Variants in DIP2B observed in about 807,000 individuals in gnomAD.
DIP2B encodes DIP2 acetate--CoA ligase B (putative).
A neutral mutation model predicts 198.0 loss-of-function variants in DIP2B; 76 were observed. That is an observed-to-expected ratio of 0.38 (90% CI 0.32 to 0.46). DIP2B has a LOEUF of 0.46. Among genes scored for constraint, DIP2B ranks in the 20% least tolerant of loss-of-function variants. The pLI, the probability that DIP2B is intolerant of heterozygous loss-of-function variation, is 0.99. For missense variants in DIP2B, 1,559 were observed against 1,978.4 expected (o/e 0.79, Z 4.02); for synonymous variants, 701 against 739.1 (o/e 0.95, Z 0.84).
At chr12:50,691,958 G>A (rs556560276) in intron 13 of DIP2B, among the ~76,000 whole-genome samples, 45 of 152,176 alleles carry the variant, frequency 3.0e-4, no homozygotes, top group African/African-American at 1.0e-3. Flanking sequence ...CCAGCTACTT[G>A]GGAGGCTGAG....
intron 8 of DIP2B, chr12:50,680,413 A>G (rs889457356): frequency 3.1e-6 from 1 of 325,138 alleles, no homozygotes; most frequent in Non-Finnish European, 5.6e-6. Flanking sequence ...AGAATTTGAA[A>G]TATTATGTAA....
chr12:50,560,538 A>G (rs943360648), intron 1 of DIP2B, among the ~76,000 whole-genome samples: 2 of 152,196 alleles, frequency 1.3e-5, no homozygotes, highest in South Asian at 2.1e-4. Context: ...AGCCTGGGCA[A>G]CAAGAGTGAA....
At position 50,674,491 on chromosome 12, in the gene DIP2B, C is replaced by T. The variant is rs1938910523; in HGVS notation, c.658C>T (p.Pro220Ser). The change falls in exon 6 of 38, where the codon CCT becomes TCT. Residue 220 changes from proline (P) to serine (S), a missense_variant. By Grantham distance (74) the Pro-to-Ser change is moderately conservative (BLOSUM62 -1). Coordinates refer to ENST00000301180, the MANE Select transcript of DIP2B (RefSeq NM_173602.3). ...NTRIENFSAP[P>S]DVTTTTSSSS... ...CCTCTCAGAGAATTTCTCTGCTCCT[C>T]CTGATGTCACTACAACTACCTCTTC... 6.2e-7 allele frequency: 1 copy of T among 1,614,212 alleles called. No homozygotes were observed. The highest frequency in any genetic ancestry group is 1.3e-5 in the African/African-American group (1 of 75,060).
intron 1 of DIP2B, among the ~76,000 whole-genome samples, chr12:50,599,828 A>G (rs1046517942): frequency 6.6e-6 from 1 of 152,212 alleles, no homozygotes; most frequent in African/African-American, 2.4e-5. Flanking sequence ...CACCATTTCT[A>G]TAAAAATTAC....
chr12:50,639,028 G>GC (rs1228480791), intron 2 of DIP2B, among the ~76,000 whole-genome samples: 1 of 151,718 alleles, frequency 6.6e-6, no homozygotes, highest in African/African-American at 2.4e-5. Context: ...GTTGTTTTCT[G>GC]CCCCCATTCG....
At chr12:50,533,852 A>G (rs911339375) in intron 1 of DIP2B, among the ~76,000 whole-genome samples, 6 of 152,146 alleles carry the variant, frequency 3.9e-5, no homozygotes, top group Admixed American at 2.0e-4. Flanking sequence ...AGCCACCCAA[A>G]GTGCTGGGAT....
intron 1 of DIP2B, among the ~76,000 whole-genome samples, chr12:50,525,017 T>C (rs2139356596): frequency 6.7e-6 from 1 of 148,262 alleles, no homozygotes; most frequent in Non-Finnish European, 1.5e-5. Flanking sequence ...TGTGAGCCTC[T>C]GTGCCTGGCC....
At chr12:50,600,798 T>A (rs1298180630) in intron 1 of DIP2B, among the ~76,000 whole-genome samples, 1 of 152,088 alleles carries the variant, frequency 6.6e-6, no homozygotes, top group Non-Finnish European at 1.5e-5. Flanking sequence ...CATAGCTATT[T>A]CCTCTTCCTG....
At chr12:50,516,241 C>CTCTATCTCTATCTCTATCTCTA (rs1555180930) in intron 1 of DIP2B, among the ~76,000 whole-genome samples, 1 of 140,998 alleles carries the variant, frequency 7.1e-6, no homozygotes, top group African/African-American at 2.8e-5. Context: ...CTCTCTCTCT[C>CTCTATCTCTATCTCTATCTCTA]TCTCTATCTC....
In DIP2B at chr12:50,708,494, G is replaced by T. The variant is rs750705517; in HGVS notation, c.2581G>T (p.Val861Leu). Residue 861 changes from valine (V) to leucine (L), a missense_variant, in exon 22 of 38, where the codon GTG (valine) becomes TTG (leucine). Val to Leu is a conservative substitution (Grantham distance 32). Coordinates refer to ENST00000301180, the MANE Select transcript of DIP2B (RefSeq NM_173602.3). The stretch of plus-strand genomic sequence containing the variant: ...TGTATTTTATGATGAGCGCATTGTG[G>T]TGGTTGCGGAACAAAGACCTGATGC... Reference protein sequence around the residue: ...VSVFYDERIVVVAEQRPDASE... With the variant: ...VSVFYDERIVLVAEQRPDASE... The T allele has an allele frequency of 1.9e-6, 3 of 1,608,664 alleles. No homozygotes were observed. Among genetic ancestry groups the T allele is most frequent in the East Asian group, 2.2e-5 (1 of 44,792 alleles).
intron 1 of DIP2B, among the ~76,000 whole-genome samples, chr12:50,517,200 T>G (rs1958073489): frequency 6.6e-6 from 1 of 151,974 alleles, no homozygotes. Flanking sequence ...ATTACAGGCG[T>G]GAGCCACCGC....
chr12:50,558,701 A>T (rs1383450942), intron 1 of DIP2B, among the ~76,000 whole-genome samples: 1 of 152,206 alleles, frequency 6.6e-6, no homozygotes, highest in African/African-American at 2.4e-5. Flanking sequence ...ACAAAACAGA[A>T]CTGCAGAAGA....
intron 1 of DIP2B, 80 bp downstream of exon 1, chr12:50,505,320 C>G (rs1437557155): frequency 2.4e-6 from 3 of 1,227,088 alleles, no homozygotes; most frequent in Non-Finnish European, 3.2e-6. Flanking sequence ...GCCGCGCGCT[C>G]TGGCGGCCGT....
chr12:50,730,234 G>A (rs564492624), intron 30 of DIP2B, among the ~76,000 whole-genome samples: 1 of 152,280 alleles, frequency 6.6e-6, no homozygotes, highest in Non-Finnish European at 1.5e-5. Context: ...TTCATAGGAT[G>A]GTTAAGCCCT....
At chr12:50,518,424 A>AT (rs1353646306) in intron 1 of DIP2B, among the ~76,000 whole-genome samples, 1 of 152,014 alleles carries the variant, frequency 6.6e-6, no homozygotes, top group Non-Finnish European at 1.5e-5. Context: ...GACTTTCACC[A>AT]TGTTGGCCAG....
intron 1 of DIP2B, among the ~76,000 whole-genome samples, chr12:50,558,604 A>C (rs1443965402): frequency 6.6e-6 from 1 of 152,240 alleles, no homozygotes; most frequent in East Asian, 1.9e-4. Flanking sequence ...TATCAGTCAG[A>C]GATGGTAGAA....
rs183734646 is a variant in DIP2B at position 50,682,347 on chromosome 12, C to T, written c.1207-791C>T. ...TGAATTAAAGAGTAAGAAAACTGGCCGGGTGGGGTGGCTCACGCCTGCAAT... is the reference window on the plus strand; with the variant it reads ...TGAATTAAAGAGTAAGAAAACTGGCTGGGTGGGGTGGCTCACGCCTGCAAT... On this transcript the variant is annotated intron_variant, in intron 9 of 37. Transcript: ENST00000301180. 8.8e-4 allele frequency among the ~76,000 whole-genome samples: 134 copies of T among 152,162 alleles called. 2 individuals carry two copies. Among genetic ancestry groups the T allele is most frequent in the Admixed American group, 6.0e-3 (92 of 15,290 alleles).
At chr12:50,569,160 A>C (rs922564977) in intron 1 of DIP2B, among the ~76,000 whole-genome samples, 2 of 150,256 alleles carry the variant, frequency 1.3e-5, no homozygotes, top group African/African-American at 4.9e-5. Flanking sequence ...ATAATTTGTT[A>C]ATTTCAGGGC....
intron 19 of DIP2B, among the ~76,000 whole-genome samples, chr12:50,702,174 G>A (rs556955179): frequency 1.1e-4 from 17 of 151,984 alleles, no homozygotes; most frequent in African/African-American, 3.9e-4. Context: ...GTGAAGCCCC[G>A]TCTCTACTAA....
Sources: gnomAD v4.1 joint callset for allele counts (sites outside exome capture counted in the v4.1 genomes callset) on GRCh38, gnomAD v4.1.1 for gene constraint, MANE v1.5 for transcripts, NCBI Gene and HGNC (gene_info 2026-07-23, HGNC 2026-07-21) for gene names.